CAMK2B: variants seen among roughly 807,000 people sequenced by gnomAD.
CAMK2B encodes the protein calcium/calmodulin dependent protein kinase II beta, also known as calcium/calmodulin-dependent protein kinase type II subunit beta.
In CAMK2B, 27 loss-of-function variants were observed where a neutral mutation model predicts 93.7. The observed-to-expected ratio is 0.29, with a 90% CI of 0.21 to 0.40. CAMK2B has a LOEUF of 0.40. Ranked by LOEUF, CAMK2B falls within the 10% of genes least tolerant of loss-of-function variation. The probability of loss-of-function intolerance (pLI) is 1.00; values close to 1 mark genes in which losing one functional copy is unlikely to be tolerated. For synonymous variants in CAMK2B, 374 were observed against 358.8 expected, an observed-to-expected ratio of 1.04 and a Z score of -0.48; for missense variants, 568 against 895.8, an observed-to-expected ratio of 0.63 and a Z score of 4.67.
At chr7:44,265,438 G>A (rs898162141) in intron 2 of CAMK2B, among the ~76,000 whole-genome samples, 22 of 152,280 alleles carry the variant, frequency 1.4e-4, no homozygotes, top group African/African-American at 2.2e-4. Context: ...GCCACGGGAC[G>A]TGTGGGCCAG....
chr7:44,279,573 G>C (rs1398771981), intron 2 of CAMK2B, among the ~76,000 whole-genome samples: 2 of 152,204 alleles, frequency 1.3e-5, no homozygotes, highest in Non-Finnish European at 1.5e-5. Flanking sequence ...ACCCTACCCA[G>C]CTTGCATCGA....
In CAMK2B at chr7:44,241,694, C is replaced by T; in HGVS notation, c.903+6G>A. 6.2e-7 allele frequency: 1 copy of T among 1,610,146 alleles called. No individual in the cohort carries two copies. Among genetic ancestry groups the T allele is most frequent in the African/African-American group, 1.3e-5 (1 of 74,952 alleles). On this transcript the variant is annotated splice_donor_region_variant and intron_variant, in intron 11 of 23. Transcript: ENST00000395749. Reference sequence around the variant, plus strand: ...CCGTGCCTGGGACTAGGGGCCAGGGCCTCACCTTGAGCTTTCTCCTGGCAT... The same window carrying T: ...CCGTGCCTGGGACTAGGGGCCAGGGTCTCACCTTGAGCTTTCTCCTGGCAT...
intron 4 of CAMK2B, among the ~76,000 whole-genome samples, chr7:44,257,655 G>A (rs1471000749): frequency 6.6e-6 from 1 of 152,262 alleles, no homozygotes; most frequent in Non-Finnish European, 1.5e-5. Flanking sequence ...CCAGGCAGTG[G>A]CAACTGTGTC....
chr7:44,218,568 C>A lies in CAMK2B; in HGVS notation c.*957G>T, dbSNP rs1354366721. 1 of 152,344 alleles carries A rather than the reference C, an allele frequency of 6.6e-6. No homozygotes were observed. The highest frequency in any genetic ancestry group is 2.4e-5 in the African/African-American group (1 of 41,474). The allele number at this position is 152,344 out of a possible 1,614,324, so 9.4% of individuals were successfully genotyped here. A position where few individuals can be genotyped will look rare whatever the true frequency, so the allele number is the denominator to read the frequency against. Reference sequence around the variant, plus strand: ...ACAGGGTTGGGAGCTGCCAGTGCATCTGCTGCTGGCCAGCAGAGAAGGGAC... The same window carrying A: ...ACAGGGTTGGGAGCTGCCAGTGCATATGCTGCTGGCCAGCAGAGAAGGGAC... On this transcript the variant is annotated 3_prime_UTR_variant, in exon 24 of 24. Coordinates refer to ENST00000395749, the MANE Select transcript of CAMK2B (RefSeq NM_001220.5).
chr7:44,321,889 A>C (rs1796165710), intron 1 of CAMK2B, among the ~76,000 whole-genome samples: 1 of 152,246 alleles, frequency 6.6e-6, no homozygotes, highest in Non-Finnish European at 1.5e-5. Context: ...GGGCGGCCCC[A>C]ACGCTGCTGT....
chr7:44,291,986 C>A (rs1243541882), intron 1 of CAMK2B, among the ~76,000 whole-genome samples: 1 of 152,212 alleles, frequency 6.6e-6, no homozygotes, highest in Admixed American at 6.5e-5. Flanking sequence ...GCTTTATGAG[C>A]CTGCTCGGGC....
At chr7:44,254,965 G>C (rs1420007052) in intron 4 of CAMK2B, among the ~76,000 whole-genome samples, 2 of 151,826 alleles carry the variant, frequency 1.3e-5, no homozygotes, top group Non-Finnish European at 2.9e-5. Context: ...GACTTGCCCA[G>C]AGTGGGCAGC....
chr7:44,305,726 G>A (rs529776121), intron 1 of CAMK2B, among the ~76,000 whole-genome samples: 1 of 152,210 alleles, frequency 6.6e-6, no homozygotes, highest in African/African-American at 2.4e-5. Context: ...ACCAAGACAG[G>A]GGCGAGAGGC....
At chr7:44,255,793 C>A (rs1373745658) in intron 4 of CAMK2B, among the ~76,000 whole-genome samples, 1 of 152,162 alleles carries the variant, frequency 6.6e-6, no homozygotes, top group African/African-American at 2.4e-5. Flanking sequence ...GCTCTCTCAG[C>A]ACTGGAGAAA....
chr7:44,308,419 G>C (rs1239187817), intron 1 of CAMK2B, among the ~76,000 whole-genome samples: 2 of 152,092 alleles, frequency 1.3e-5, no homozygotes, highest in Non-Finnish European at 2.9e-5. Context: ...ATGGTGTCCT[G>C]CTCCTGGGTC....
intron 17 of CAMK2B, chr7:44,230,418 G>A (rs1264303295): frequency 6.5e-6 from 1 of 153,318 alleles, no homozygotes. Context: ...GGCCCCATGT[G>A]GGTGGTCTGG....
At chr7:44,226,452 C>G (rs1486729041) in intron 20 of CAMK2B, 64 bp downstream of exon 20, 3 of 1,289,548 alleles carry the variant, frequency 2.3e-6, no homozygotes, top group African/African-American at 1.5e-5. Flanking sequence ...GCACCACTGC[C>G]AGGCTCGCAC....
At chr7:44,256,459 CTG>C (rs1380087939) in intron 4 of CAMK2B, among the ~76,000 whole-genome samples, 6 of 152,330 alleles carry the variant, frequency 3.9e-5, no homozygotes, top group South Asian at 4.2e-4. Context: ...AACTGTGTGC[CTG>C]TGTGTGCCCT....
intron 2 of CAMK2B, among the ~76,000 whole-genome samples, chr7:44,264,926 A>AG (rs953182555): frequency 6.6e-6 from 1 of 152,066 alleles, no homozygotes; most frequent in African/African-American, 2.4e-5. Flanking sequence ...TGGGGAGGGG[A>AG]GGGGTCCATG....
At chr7:44,266,048 C>T (rs1453109579) in intron 2 of CAMK2B, among the ~76,000 whole-genome samples, 1 of 152,148 alleles carries the variant, frequency 6.6e-6, no homozygotes, top group Non-Finnish European at 1.5e-5. Flanking sequence ...TTTAGCAAAG[C>T]ATTGTTTTTA....
At chr7:44,269,763 A>C (rs1196966477) in intron 2 of CAMK2B, among the ~76,000 whole-genome samples, 2 of 152,106 alleles carry the variant, frequency 1.3e-5, no homozygotes, top group Admixed American at 1.3e-4. Context: ...CTCTCGCCCA[A>C]GGGCCTCTGG....
chr7:44,306,325 A>G (rs953386054), intron 1 of CAMK2B, among the ~76,000 whole-genome samples: 2 of 152,058 alleles, frequency 1.3e-5, no homozygotes, highest in African/African-American at 4.8e-5. Context: ...ATCAGCATCC[A>G]TCTTTCTCTT....
chr7:44,262,148 T>G (rs2096883952), intron 3 of CAMK2B, among the ~76,000 whole-genome samples: 1 of 152,118 alleles, frequency 6.6e-6, no homozygotes, highest in Admixed American at 6.5e-5. Flanking sequence ...CAGGCCCAGG[T>G]GAGTGTGTGG....
chr7:44,286,099 G>A lies in CAMK2B; in HGVS notation c.66-1874C>T, dbSNP rs553139018. On this transcript the variant is annotated intron_variant, in intron 1 of 23. Coordinates refer to ENST00000395749, the MANE Select transcript of CAMK2B (RefSeq NM_001220.5). This position sits in a 1 kb window ranked among gnomAD's most constrained non-coding sequence, Gnocchi z 4.0. The stretch of plus-strand genomic sequence containing the variant: ...GGTCTGGCTTCAATCCTGGTTAGAC[G>A]GGGTGACACAGCTCTCTGAGCCTCA... Among the ~76,000 whole-genome samples, 25 of 152,228 alleles carry A rather than the reference G, an allele frequency of 1.6e-4. No homozygotes were observed. Among genetic ancestry groups the A allele is most frequent in the Admixed American group, 1.2e-3 (18 of 15,292 alleles).
Sources: gnomAD v4.1 joint callset for allele counts (sites outside exome capture counted in the v4.1 genomes callset) on GRCh38, gnomAD v4.1.1 for gene constraint, Gnocchi (gnomAD v3.1) non-coding constraint, MANE v1.5 for transcripts, NCBI Gene and HGNC (gene_info 2026-07-23, HGNC 2026-07-21) for gene names.